EYA2: variants seen among roughly 807,000 people sequenced by gnomAD.
EYA2 encodes the protein EYA transcriptional coactivator and phosphatase 2.
In EYA2, 31 loss-of-function variants were observed where a neutral mutation model predicts 69.2. The ratio of observed to expected loss-of-function variants is 0.45; its 90% CI spans 0.34 to 0.60. The LOEUF (loss-of-function observed/expected upper bound fraction) is 0.60. Ranked by LOEUF, EYA2 falls within the 20% of genes least tolerant of loss-of-function variation. EYA2 has a pLI of 0.02. For missense variants in EYA2, 622 were observed against 701.2 expected (o/e 0.89, Z 1.28); for synonymous variants, 257 against 279.4 (o/e 0.92, Z 0.80).
chr20:47,125,793 A>G (rs1038788172), intron 9 of EYA2, among the ~76,000 whole-genome samples: 4 of 152,204 alleles, frequency 2.6e-5, no homozygotes, highest in African/African-American at 9.6e-5. Context: ...TATTTGTTCA[A>G]CTTGTAAACA....
chr20:47,069,109 G>C (rs1224207547), intron 5 of EYA2, among the ~76,000 whole-genome samples: 1 of 152,176 alleles, frequency 6.6e-6, no homozygotes, highest in Non-Finnish European at 1.5e-5. Flanking sequence ...ATCCCAGATG[G>C]TGTTTAGTAG....
intron 5 of EYA2, among the ~76,000 whole-genome samples, chr20:47,055,220 G>A (rs781376628): frequency 1.3e-5 from 2 of 152,200 alleles, no homozygotes; most frequent in Non-Finnish European, 2.9e-5. Context: ...AAGCCATCTC[G>A]AACCTCATTG....
intron 5 of EYA2, among the ~76,000 whole-genome samples, chr20:47,038,446 G>A (rs374122561): frequency 9.9e-5 from 15 of 152,118 alleles, no homozygotes; most frequent in African/African-American, 1.7e-4. Context: ...AACTGTAATC[G>A]CACCATGGCA....
chr20:46,965,538 G>A (rs1979724913), intron 1 of EYA2, among the ~76,000 whole-genome samples: 1 of 152,256 alleles, frequency 6.6e-6, no homozygotes. Flanking sequence ...TGGCCACCAG[G>A]TGCCAGGGCC....
At position 47,043,956 on chromosome 20, in the gene EYA2, A is replaced by G. The variant is rs547401916; in HGVS notation, c.415+27659A>G. Among the ~76,000 whole-genome samples the G allele has an allele frequency of 1.8e-4, 27 of 152,320 alleles. No individual in the cohort carries two copies. In the South Asian group the frequency reaches 5.4e-3, roughly 30 times the overall value. On this transcript the variant is annotated intron_variant, in intron 5 of 15. Transcript: ENST00000327619. Reference sequence around the variant, plus strand: ...CATTACGAGGTGTTTGGATCCAAACAAAGTTGTCCAGGTTGTCCAGTAATA... The same window carrying G: ...CATTACGAGGTGTTTGGATCCAAACGAAGTTGTCCAGGTTGTCCAGTAATA...
At chr20:47,003,587 ACCT>A (rs1292566822) in intron 3 of EYA2, among the ~76,000 whole-genome samples, 3 of 152,196 alleles carry the variant, frequency 2.0e-5, no homozygotes, top group Non-Finnish European at 4.4e-5. Flanking sequence ...TGTGCACGTA[ACCT>A]CCTGGTTTTC....
At chr20:47,073,802 C>T (rs1178389637) in intron 6 of EYA2, among the ~76,000 whole-genome samples, 1 of 151,966 alleles carries the variant, frequency 6.6e-6, no homozygotes, top group Admixed American at 6.6e-5. Flanking sequence ...TGTATAAACC[C>T]CTCCACTCCC....
At chr20:46,980,721 G>C (rs1980780002) in intron 1 of EYA2, among the ~76,000 whole-genome samples, 1 of 152,216 alleles carries the variant, frequency 6.6e-6, no homozygotes, top group African/African-American at 2.4e-5. Context: ...CCTTCTAACT[G>C]TATATTTGTA....
At chr20:47,158,084 T>G (rs2033992292) in intron 10 of EYA2, among the ~76,000 whole-genome samples, 1 of 152,056 alleles carries the variant, frequency 6.6e-6, no homozygotes, top group Admixed American at 6.6e-5. Context: ...CTGCAGATCC[T>G]GTCTGAGCTT....
chr20:47,029,541 C>A (rs1399494117), intron 5 of EYA2, among the ~76,000 whole-genome samples: 1 of 152,218 alleles, frequency 6.6e-6, no homozygotes, highest in African/African-American at 2.4e-5. Context: ...TTAAGGCTTA[C>A]CTACTCCTTT....
intron 9 of EYA2, among the ~76,000 whole-genome samples, chr20:47,125,477 T>C (rs952903280): frequency 1.3e-5 from 2 of 152,164 alleles, no homozygotes; most frequent in Admixed American, 6.5e-5. Flanking sequence ...AATCAACTTA[T>C]TTTTTCTTTA....
At chr20:46,938,295 TG>T (rs1986008069) in intron 1 of EYA2, among the ~76,000 whole-genome samples, 1 of 152,214 alleles carries the variant, frequency 6.6e-6, no homozygotes, top group Admixed American at 6.5e-5. Context: ...TGTGAAACCA[TG>T]AGAGTTACTT....
At chr20:47,058,128 T>TC (rs869295927) in intron 5 of EYA2, among the ~76,000 whole-genome samples, 1 of 141,438 alleles carries the variant, frequency 7.1e-6, no homozygotes, top group South Asian at 2.3e-4. Flanking sequence ...AGGAGGAAGG[T>TC]TTGCATGGTA....
At chr20:47,090,309 G>A (rs1173949429) in intron 8 of EYA2, among the ~76,000 whole-genome samples, 1 of 145,472 alleles carries the variant, frequency 6.9e-6, no homozygotes, top group African/African-American at 2.5e-5. Context: ...GCACAATCTC[G>A]GCTCACCGCA....
At chr20:46,993,622 A>G (rs1981829570) in intron 2 of EYA2, among the ~76,000 whole-genome samples, 1 of 152,264 alleles carries the variant, frequency 6.6e-6, no homozygotes, top group Non-Finnish European at 1.5e-5. Flanking sequence ...ACAGCATAGA[A>G]AACCCTATCC....
At chr20:47,019,807 A>G (rs1171762639) in intron 5 of EYA2, among the ~76,000 whole-genome samples, 1 of 147,210 alleles carries the variant, frequency 6.8e-6, no homozygotes, top group Non-Finnish European at 1.5e-5. Flanking sequence ...CATCTCTACA[A>G]AAAAAAAAAA....
rs111659675 is a variant in EYA2, at chr20:47,174,295, C to G, written c.1198+1428C>G. ...CTTCCAGTCGCAGCTCTACAACTTTCTAGCTATGTGGCCTTAGGCAACATA... is the reference window on the plus strand; with the variant it reads ...CTTCCAGTCGCAGCTCTACAACTTTGTAGCTATGTGGCCTTAGGCAACATA... On this transcript the variant is annotated intron_variant, in intron 12 of 15. Coordinates refer to ENST00000327619, the MANE Select transcript of EYA2 (RefSeq NM_005244.5). Among the ~76,000 whole-genome samples the G allele has an allele frequency of 1.9e-3, 291 of 152,372 alleles. 1 individual carries two copies. The highest frequency in any genetic ancestry group is 6.7e-3 in the African/African-American group (280 of 41,588).
At chr20:46,961,222 A>C (rs1184129854) in intron 1 of EYA2, among the ~76,000 whole-genome samples, 2 of 152,138 alleles carry the variant, frequency 1.3e-5, no homozygotes, top group African/African-American at 4.8e-5. Flanking sequence ...GCTATTTGGG[A>C]GACTGAGGTA....
chr20:46,961,693 A>G (rs1312494943), intron 1 of EYA2, among the ~76,000 whole-genome samples: 2 of 152,272 alleles, frequency 1.3e-5, no homozygotes, highest in African/African-American at 2.4e-5. Flanking sequence ...TTCAGCCATA[A>G]AAAGGAACAA....
Sources: allele counts gnomAD v4.1 joint callset (sites outside exome capture counted in the v4.1 genomes callset), GRCh38; gene constraint gnomAD v4.1.1; transcripts MANE v1.5; gene names NCBI Gene and HGNC (gene_info 2026-07-23, HGNC 2026-07-21).